The following PTPRD variants were observed in gnomAD, a reference collection of about 807,000 sequenced individuals.
The protein encoded by PTPRD is receptor-type tyrosine-protein phosphatase delta.
PTPRD carries 34 observed loss-of-function variants against 214.5 expected under a neutral mutation model. That is an observed-to-expected ratio of 0.16 (90% confidence interval 0.12 to 0.21). The LOEUF is 0.21. PTPRD is among the 10% of genes least tolerant of loss of function. The probability of loss-of-function intolerance (pLI) is 1.00; values close to 1 mark genes in which losing one functional copy is unlikely to be tolerated. For synonymous variants in PTPRD, 1,128 were observed against 845.7 expected (o/e 1.33, Z -5.79); for missense variants, 2,545 against 2,398.7 (o/e 1.06, Z -1.27).
intron 2 of PTPRD, among the ~76,000 whole-genome samples, chr9:10,393,707 AAT>A (rs890394137): frequency 1.4e-5 from 2 of 147,238 alleles, no homozygotes; most frequent in African/African-American, 2.5e-5. Context: ...TAATATATAT[AAT>A]ATATATATAA....
intron 8 of PTPRD, among the ~76,000 whole-genome samples, chr9:9,543,402 A>G (rs1359189255): frequency 6.6e-6 from 1 of 151,698 alleles, no homozygotes; most frequent in African/African-American, 2.4e-5. Flanking sequence ...TATAAGGTAT[A>G]AACAATTGCT....
Position 8,373,913 on chromosome 9 carries a change from T to TAC in PTPRD, c.4661+2022_4661+2023insGT, listed in dbSNP as rs1564369535. Among the ~76,000 whole-genome samples the TAC allele has an allele frequency of 6.6e-3, 516 of 78,488 alleles. 1 individual carries two copies. The highest frequency in any genetic ancestry group is 0.015 in the Middle Eastern group (2 of 132). The allele number at this position is 78,488 out of a possible 152,430, so 51.5% of individuals were successfully genotyped here. A position where few individuals can be genotyped will look rare whatever the true frequency, so the allele number is the denominator to read the frequency against. ...ATCTATCTATCTATCTATCTATCTA[T>TAC]CTACCTACCTACCTATCTCAGTTTT... On this transcript the variant is annotated intron_variant, in intron 39 of 45. Coordinates refer to ENST00000381196, the MANE Select transcript of PTPRD (RefSeq NM_002839.4).
At chr9:9,308,697 C>A (rs893625112) in intron 9 of PTPRD, among the ~76,000 whole-genome samples, 2 of 152,112 alleles carry the variant, frequency 1.3e-5, no homozygotes, top group African/African-American at 4.8e-5. Flanking sequence ...GATTAAAATA[C>A]ATATATAATT....
At chr9:8,381,913 G>A (rs1009567010) in intron 37 of PTPRD, among the ~76,000 whole-genome samples, 3 of 152,116 alleles carry the variant, frequency 2.0e-5, no homozygotes, top group Non-Finnish European at 4.4e-5. Context: ...ACTGTGTGAG[G>A]TGCCTCTTTC....
intron 5 of PTPRD, among the ~76,000 whole-genome samples, chr9:9,902,126 T>C (rs2076541112): frequency 6.6e-6 from 1 of 152,198 alleles, no homozygotes; most frequent in Admixed American, 6.5e-5. Context: ...TGTTTTCATA[T>C]AATTGATATG....
intron 9 of PTPRD, among the ~76,000 whole-genome samples, chr9:9,208,146 C>A (rs938391398): frequency 2.0e-5 from 3 of 150,870 alleles, no homozygotes; most frequent in Admixed American, 6.6e-5. Context: ...TCCGGAGTAG[C>A]TGGGACTACG....
intron 9 of PTPRD, among the ~76,000 whole-genome samples, chr9:9,317,691 A>C (rs1964036316): frequency 6.6e-6 from 1 of 151,988 alleles, no homozygotes; most frequent in Admixed American, 6.6e-5. Flanking sequence ...CATGTTCCTA[A>C]ATCCTTTAAT....
At chr9:10,590,496 T>C (rs1567096859) in intron 2 of PTPRD, among the ~76,000 whole-genome samples, 1 of 152,022 alleles carries the variant, frequency 6.6e-6, no homozygotes, top group Non-Finnish European at 1.5e-5. Flanking sequence ...GCCAGACAAC[T>C]ACTGATCTCA....
chr9:8,961,811 G>A (rs2099160250), intron 11 of PTPRD, among the ~76,000 whole-genome samples: 1 of 152,042 alleles, frequency 6.6e-6, no homozygotes, highest in East Asian at 1.9e-4. Context: ...CAGAATCCAG[G>A]ACTGCAGTTT....
At chr9:9,066,884 G>C (rs912696978) in intron 10 of PTPRD, among the ~76,000 whole-genome samples, 1 of 152,158 alleles carries the variant, frequency 6.6e-6, no homozygotes, top group African/African-American at 2.4e-5. Flanking sequence ...AGAAATTCAA[G>C]AACTGTGAGA....
chr9:8,724,859 GC>G (rs1357417161), intron 12 of PTPRD, among the ~76,000 whole-genome samples: 1 of 152,028 alleles, frequency 6.6e-6, no homozygotes, highest in Non-Finnish European at 1.5e-5. Context: ...GATCACCCGA[GC>G]CCAGGAGGCA....
chr9:9,658,895 G>C (rs959130539), intron 7 of PTPRD, among the ~76,000 whole-genome samples: 23 of 152,060 alleles, frequency 1.5e-4, no homozygotes, highest in African/African-American at 5.6e-4. Flanking sequence ...GAGGTAATAA[G>C]AGTTAGAGCC....
At chr9:8,424,023 A>C (rs1449676415) in intron 35 of PTPRD, among the ~76,000 whole-genome samples, 1 of 152,172 alleles carries the variant, frequency 6.6e-6, no homozygotes, top group Non-Finnish European at 1.5e-5. Flanking sequence ...CAAACTTGCT[A>C]ATTTTTAATA....
At chr9:8,644,101 A>C (rs1166423110) in intron 12 of PTPRD, among the ~76,000 whole-genome samples, 2 of 152,206 alleles carry the variant, frequency 1.3e-5, no homozygotes, top group African/African-American at 4.8e-5. Flanking sequence ...AACCAGCTGC[A>C]AAAAGGCACG....
intron 10 of PTPRD, among the ~76,000 whole-genome samples, chr9:9,041,531 C>G (rs1295566064): frequency 1.3e-5 from 2 of 152,180 alleles, no homozygotes; most frequent in African/African-American, 4.8e-5. Context: ...CATGTTGCTT[C>G]AAAGGATATG....
chr9:10,457,671 A>G lies in PTPRD; in HGVS notation c.-599-116654T>C, dbSNP rs184313822. 1.6e-3 allele frequency among the ~76,000 whole-genome samples: 244 copies of G among 152,194 alleles called. 2 individuals are homozygous for G. The highest frequency in any genetic ancestry group is 5.5e-3 in the African/African-American group (227 of 41,572). ...TAGCAGAAACTTTCAGAAAGTTTCC[A>G]AAGTAGCTGTGGCAATTTTTATTCC... is the stretch of plus-strand genomic sequence containing the variant. On this transcript the variant is annotated intron_variant, in intron 2 of 45. Coordinates refer to ENST00000381196, the MANE Select transcript of PTPRD (RefSeq NM_002839.4).
intron 3 of PTPRD, among the ~76,000 whole-genome samples, chr9:10,034,097 T>G (rs2097133083): frequency 6.6e-6 from 1 of 152,100 alleles, no homozygotes; most frequent in Non-Finnish European, 1.5e-5. Context: ...ATTTCACTAC[T>G]AATGTCATTC....
chr9:10,123,529 A>G lies in PTPRD; in HGVS notation c.-544-89739T>C, dbSNP rs536460374. Among the ~76,000 whole-genome samples, 23 of 152,268 alleles carry G rather than the reference A, an allele frequency of 1.5e-4. No homozygotes were observed. In the South Asian group the frequency reaches 4.8e-3, roughly 32 times the overall value. ...AAAGCCTCTCTCCTAATTATTCTCT[A>G]TGATCTCCAGCCCTGTCCTTCATGA... is the stretch of plus-strand genomic sequence containing the variant. On this transcript the variant is annotated intron_variant, in intron 3 of 45. Coordinates refer to ENST00000381196, the MANE Select transcript of PTPRD (RefSeq NM_002839.4).
intron 43 of PTPRD, among the ~76,000 whole-genome samples, chr9:8,337,492 C>T (rs1588027480): frequency 6.6e-6 from 1 of 151,996 alleles, no homozygotes; most frequent in Admixed American, 6.6e-5. Flanking sequence ...GGAGAAATAC[C>T]TAATGTAGAT....
Sources: gnomAD v4.1 joint callset for allele counts (sites outside exome capture counted in the v4.1 genomes callset) on GRCh38, gnomAD v4.1.1 for gene constraint, MANE v1.5 for transcripts, NCBI Gene and HGNC (gene_info 2026-07-23, HGNC 2026-07-21) for gene names.